The following UBE2E2 variants were observed in gnomAD, a reference collection of about 807,000 sequenced individuals.
UBE2E2 encodes the protein ubiquitin conjugating enzyme E2 E2, also known as ubiquitin-conjugating enzyme E2 E2.
UBE2E2 carries 6 observed loss-of-function variants against 24.7 expected under a neutral mutation model. That is an observed-to-expected ratio of 0.24 (90% CI 0.13 to 0.48). The LOEUF (loss-of-function observed/expected upper bound fraction) is 0.48. Ranked by LOEUF, UBE2E2 falls within the 20% of genes least tolerant of loss-of-function variation. The pLI is 0.99. For missense variants in UBE2E2, 169 were observed against 245.0 expected, an observed-to-expected ratio of 0.69 and a Z score of 2.07; for synonymous variants, 104 against 83.6, an observed-to-expected ratio of 1.24 and a Z score of -1.33.
chr3:23,396,074 A>G (rs1697065711), intron 3 of UBE2E2, among the ~76,000 whole-genome samples: 1 of 151,736 alleles, frequency 6.6e-6, no homozygotes, highest in Non-Finnish European at 1.5e-5. Context: ...AGTTCTTTTG[A>G]TTGTTGTGCT....
chr3:23,255,757 A>G (rs2125349588), intron 3 of UBE2E2, among the ~76,000 whole-genome samples: 1 of 152,304 alleles, frequency 6.6e-6, no homozygotes, highest in South Asian at 2.1e-4. Flanking sequence ...AAACTATTTT[A>G]CTATTGGATA....
intron 3 of UBE2E2, among the ~76,000 whole-genome samples, chr3:23,291,683 CTTTTTTTT>C (rs11308326): frequency 2.0e-3 from 193 of 95,038 alleles, no homozygotes; most frequent in African/African-American, 7.6e-3. Context: ...ATTTAAGGGG[CTTTTTTTT>C]TTTTTTTTTT....
At chr3:23,229,875 G>A (rs1402519644) in intron 3 of UBE2E2, among the ~76,000 whole-genome samples, 2 of 152,108 alleles carry the variant, frequency 1.3e-5, no homozygotes, top group African/African-American at 4.8e-5. Flanking sequence ...GTGACTTGAG[G>A]CTACTATATT....
intron 5 of UBE2E2, among the ~76,000 whole-genome samples, chr3:23,588,993 G>A (rs1696695283): frequency 6.6e-6 from 1 of 152,092 alleles, no homozygotes; most frequent in Admixed American, 6.5e-5. Flanking sequence ...AGGTAATCTG[G>A]CAGGAGAATG....
At chr3:23,243,500 T>C (rs1467148883) in intron 3 of UBE2E2, among the ~76,000 whole-genome samples, 1 of 152,242 alleles carries the variant, frequency 6.6e-6, no homozygotes, top group African/African-American at 2.4e-5. Context: ...TTTTATTTTG[T>C]ATTTGATGTT....
chr3:23,585,763 A>G (rs1194302723), intron 5 of UBE2E2, among the ~76,000 whole-genome samples: 2 of 152,150 alleles, frequency 1.3e-5, no homozygotes, highest in Admixed American at 6.5e-5. Context: ...GAAAATAGTA[A>G]CAATCTAGAA....
At chr3:23,237,556 A>C (rs954450820) in intron 3 of UBE2E2, among the ~76,000 whole-genome samples, 5 of 152,290 alleles carry the variant, frequency 3.3e-5, no homozygotes, top group Non-Finnish European at 2.9e-5. Context: ...CTTGGAGATC[A>C]CATGGACTCT....
chr3:23,226,593 T>C (rs945602264), intron 3 of UBE2E2, among the ~76,000 whole-genome samples: 24 of 152,074 alleles, frequency 1.6e-4, no homozygotes, highest in African/African-American at 5.8e-4. Flanking sequence ...ATGGGTGGGA[T>C]TTGGAAAGGT....
chr3:23,570,034 C>T (rs1336382925), intron 5 of UBE2E2, among the ~76,000 whole-genome samples: 1 of 152,168 alleles, frequency 6.6e-6, no homozygotes. Context: ...CTGCGGGTCA[C>T]TTTCTCATTA....
intron 3 of UBE2E2, among the ~76,000 whole-genome samples, chr3:23,272,672 G>A (rs551765509): frequency 6.7e-6 from 1 of 149,244 alleles, no homozygotes; most frequent in East Asian, 2.0e-4. Flanking sequence ...CTATATCTCA[G>A]AGAGAGAGAG....
At chr3:23,206,555 G>A (rs1014743035) in intron 1 of UBE2E2, among the ~76,000 whole-genome samples, 3 of 152,132 alleles carry the variant, frequency 2.0e-5, no homozygotes, top group African/African-American at 7.2e-5. Context: ...ATCTGTTTCT[G>A]TTTGGCATGG....
rs114791323 is a variant in UBE2E2 at position 23,526,037 on chromosome 3, A to G, written c.361-6517A>G. On this transcript the variant is annotated intron_variant, in intron 4 of 5. Transcript: ENST00000396703. ...TTTCCCTAGTTTGTTGATAAGGTCTAGAAAAGAATGCTGGCTGCTTCAAGG... is the reference window on the plus strand; with the variant it reads ...TTTCCCTAGTTTGTTGATAAGGTCTGGAAAAGAATGCTGGCTGCTTCAAGG... 1.7e-3 allele frequency among the ~76,000 whole-genome samples: 258 copies of G among 152,338 alleles called. 1 individual carries two copies. Among genetic ancestry groups the G allele is most frequent in the African/African-American group, 6.0e-3 (249 of 41,584 alleles).
chr3:23,562,280 C>G lies in UBE2E2; in HGVS notation c.509-27454C>G, dbSNP rs1045211497. Among the ~76,000 whole-genome samples, 7 of 151,834 alleles carry G rather than the reference C, an allele frequency of 4.6e-5. No individual in the cohort carries two copies. In the East Asian group the frequency reaches 5.8e-4, roughly 13 times the overall value. ...TTTATTGAGAGTTTTTAGCATGAAG[C>G]GTTGTTGAATTTTGTCAAAGGCCTT... On this transcript the variant is annotated intron_variant, in intron 5 of 5. Coordinates refer to ENST00000396703, the MANE Select transcript of UBE2E2 (RefSeq NM_152653.4).
chr3:23,444,759 C>T (rs957011426), intron 3 of UBE2E2, among the ~76,000 whole-genome samples: 4 of 152,106 alleles, frequency 2.6e-5, no homozygotes, highest in African/African-American at 9.7e-5. Flanking sequence ...ATGGAGTGTA[C>T]GGTAAAGCAA....
chr3:23,287,265 TAAA>T (rs1698640956), intron 3 of UBE2E2, among the ~76,000 whole-genome samples: 4 of 152,220 alleles, frequency 2.6e-5, no homozygotes, highest in Non-Finnish European at 5.9e-5. Context: ...ATCCCTGGGA[TAAA>T]TTCCACTTGG....
intron 3 of UBE2E2, among the ~76,000 whole-genome samples, chr3:23,257,656 C>A (rs933378444): frequency 1.3e-5 from 2 of 151,020 alleles, no homozygotes; most frequent in Non-Finnish European, 2.9e-5. Context: ...TAGGCACAGG[C>A]CACCATGGCT....
chr3:23,533,075 T>G (rs1379054341), intron 5 of UBE2E2, among the ~76,000 whole-genome samples: 1 of 152,202 alleles, frequency 6.6e-6, no homozygotes, highest in Non-Finnish European at 1.5e-5. Flanking sequence ...TGTGGGCTAT[T>G]AAAATCTGAT....
rs112981810 is a variant in UBE2E2 at position 23,249,666 on chromosome 3, T to A, written c.227+32354T>A. Among the ~76,000 whole-genome samples, 522 of 151,980 alleles carry A rather than the reference T, an allele frequency of 3.4e-3. 6 individuals are homozygous for A. Among genetic ancestry groups the A allele is most frequent in the African/African-American group, 0.012 (494 of 41,434 alleles). ...GTATTAACTCAGATTTTTTTTTTTT[T>A]AAATTTTGAGATGGAGTCTTGCTCT... On this transcript the variant is annotated intron_variant, in intron 3 of 5. Transcript: ENST00000396703.
At chr3:23,448,855 A>C (rs1698491329) in intron 3 of UBE2E2, among the ~76,000 whole-genome samples, 1 of 152,186 alleles carries the variant, frequency 6.6e-6, no homozygotes, top group Admixed American at 6.5e-5. Flanking sequence ...AGGCAGATCC[A>C]GGATCTCTGG....
Sources: gnomAD v4.1 joint callset for allele counts (sites outside exome capture counted in the v4.1 genomes callset) on GRCh38, gnomAD v4.1.1 for gene constraint, MANE v1.5 for transcripts, NCBI Gene and HGNC (gene_info 2026-07-23, HGNC 2026-07-21) for gene names.